Variants in DGLUCY observed in about 807,000 individuals in gnomAD.
DGLUCY encodes D-glutamate cyclase, mitochondrial.
DGLUCY carries 58 observed loss-of-function variants against 58.5 expected under a neutral mutation model. That is an observed-to-expected ratio of 0.99 (90% CI 0.80 to 1.23). The LOEUF (loss-of-function observed/expected upper bound fraction) is 1.23, where lower values mean the gene tolerates loss of function less well. DGLUCY is among the 50% of genes most tolerant of loss of function. DGLUCY has a pLI of 0.00. For missense variants in DGLUCY, 779 were observed against 784.7 expected (o/e 0.99, Z 0.09); for synonymous variants, 325 against 314.1 (o/e 1.03, Z -0.37).
intron 2 of DGLUCY, chr14:91,158,823 A>C (rs2140337697): frequency 6.6e-6 from 1 of 152,206 alleles, no homozygotes; most frequent in African/African-American, 2.4e-5. Flanking sequence ...TGACATACTA[A>C]AACCTATCTT....
intron 1 of DGLUCY, among the ~76,000 whole-genome samples, chr14:91,091,833 C>T (rs980959895): frequency 6.6e-6 from 1 of 152,178 alleles, no homozygotes; most frequent in African/African-American, 2.4e-5. Context: ...CACAGACTCT[C>T]CTGCCTCAGC....
chr14:91,081,157 C>T (rs776527984), intron 1 of DGLUCY, among the ~76,000 whole-genome samples: 2 of 151,780 alleles, frequency 1.3e-5, no homozygotes, highest in South Asian at 2.1e-4. Flanking sequence ...GAGCCAAGAT[C>T]GCGCCACTGC....
chr14:91,108,526 T>TGAGAGAGAGAGA (rs1194090963), intron 1 of DGLUCY, among the ~76,000 whole-genome samples: 48 of 52,170 alleles, frequency 9.2e-4, no homozygotes, highest in South Asian at 1.4e-3. Context: ...TGTGTGTGTG[T>TGAGAGAGAGAGA]GAGAGAGAGA....
intron 1 of DGLUCY, among the ~76,000 whole-genome samples, chr14:91,067,032 G>C (rs2043833788): frequency 7.5e-6 from 1 of 133,796 alleles, no homozygotes; most frequent in Non-Finnish European, 1.5e-5. Flanking sequence ...AGTGAGCCCA[G>C]ATTGCACCAC....
At chr14:91,221,472 G>A (rs1333444961) in intron 13 of DGLUCY, among the ~76,000 whole-genome samples, 1 of 151,666 alleles carries the variant, frequency 6.6e-6, no homozygotes, top group Non-Finnish European at 1.5e-5. Flanking sequence ...GGTGGATGGA[G>A]GGATGCGTGG....
chr14:91,081,500 TTAC>T (rs935284939), intron 1 of DGLUCY, among the ~76,000 whole-genome samples: 15 of 152,216 alleles, frequency 9.9e-5, no homozygotes, highest in Non-Finnish European at 1.9e-4. Flanking sequence ...TGCAAATAAA[TTAC>T]TACAAGTGGC....
At chr14:91,106,730 T>A (rs888601311), upstream of DGLUCY, among the ~76,000 whole-genome samples, 2 of 151,080 alleles carry the variant, frequency 1.3e-5, no homozygotes, top group Non-Finnish European at 2.9e-5. Context: ...AACTCACTTA[T>A]GAATGTATTG....
intron 1 of DGLUCY, among the ~76,000 whole-genome samples, chr14:91,079,516 G>T (rs112597811): frequency 0.014 from 2,172 of 152,074 alleles, 48 homozygotes; most frequent in African/African-American, 0.05. Flanking sequence ...ACCCCACCCG[G>T]CTAGTTTTTG....
chr14:91,082,034 G>A (rs899448961), intron 1 of DGLUCY, among the ~76,000 whole-genome samples: 2 of 152,096 alleles, frequency 1.3e-5, no homozygotes, highest in African/African-American at 4.8e-5. Flanking sequence ...GCCACCTCAA[G>A]GTCCTCAATT....
At chr14:91,209,241 G>A (rs1383477702) in intron 12 of DGLUCY, among the ~76,000 whole-genome samples, 2 of 151,422 alleles carry the variant, frequency 1.3e-5, no homozygotes, top group African/African-American at 4.9e-5. Flanking sequence ...CCAACCTGGG[G>A]AACAGAGTGA....
intron 1 of DGLUCY, among the ~76,000 whole-genome samples, chr14:91,082,082 T>C (rs1023831824): frequency 6.6e-6 from 1 of 152,154 alleles, no homozygotes; most frequent in African/African-American, 2.4e-5. Flanking sequence ...GCTCTGGGGA[T>C]TAGGATGTGG....
intron 1 of DGLUCY, among the ~76,000 whole-genome samples, chr14:91,124,255 C>T (rs2045555336): frequency 6.6e-6 from 1 of 152,184 alleles, no homozygotes; most frequent in South Asian, 2.1e-4. Flanking sequence ...GCAGCAGACC[C>T]AGCTAACTGG....
At chr14:91,081,762 G>A (rs1473928669) in intron 1 of DGLUCY, among the ~76,000 whole-genome samples, 1 of 151,398 alleles carries the variant, frequency 6.6e-6, no homozygotes, top group Non-Finnish European at 1.5e-5. Context: ...ATTTTTCTCA[G>A]ACAGAGTCTC....
rs538546129 is a variant in DGLUCY at position 91,117,282 on chromosome 14, A to C, written c.-82+2999A>C. On this transcript the variant is annotated intron_variant, in intron 1 of 13. Coordinates refer to ENST00000256324, the MANE Select transcript of DGLUCY (RefSeq NM_001102368.3). ...CTTGGTTTTGGCTGGTTTCTTTACC[A>C]CAAAGTGTTTTATCAGCAGGGTCTT... Among the ~76,000 whole-genome samples the C allele has an allele frequency of 2.8e-4, 42 of 152,282 alleles. 1 individual carries two copies. The highest frequency in any genetic ancestry group is 8.9e-4 in the African/African-American group (37 of 41,538).
At chr14:91,220,304 T>C (rs1198501680) in intron 13 of DGLUCY, 1 of 361,152 alleles carries the variant, frequency 2.8e-6, no homozygotes, top group East Asian at 7.4e-5. Context: ...GATTGGAAGA[T>C]GGAATGAGTC....
At chr14:91,173,083 G>A (rs995955038) in intron 5 of DGLUCY, among the ~76,000 whole-genome samples, 1 of 152,076 alleles carries the variant, frequency 6.6e-6, no homozygotes, top group African/African-American at 2.4e-5. Flanking sequence ...GGGGTCCGTG[G>A]CACACAAAAA....
intron 1 of DGLUCY, among the ~76,000 whole-genome samples, chr14:91,146,951 C>G (rs1225926845): frequency 2.6e-5 from 4 of 151,988 alleles, no homozygotes; most frequent in Non-Finnish European, 4.4e-5. Context: ...CCCAGGGACT[C>G]TGCTTCCTGG....
At chr14:91,121,941 T>C (rs1484964646) in intron 1 of DGLUCY, among the ~76,000 whole-genome samples, 1 of 152,178 alleles carries the variant, frequency 6.6e-6, no homozygotes, top group Non-Finnish European at 1.5e-5. Context: ...TCCCATCATC[T>C]AACAGAGTGC....
At chr14:91,205,122 A>G (rs1458004312) in intron 12 of DGLUCY, among the ~76,000 whole-genome samples, 1 of 152,178 alleles carries the variant, frequency 6.6e-6, no homozygotes, top group East Asian at 1.9e-4. Flanking sequence ...ACATCAGATG[A>G]TTCTAAAGAG....
Sources: gnomAD v4.1 joint callset for allele counts (sites outside exome capture counted in the v4.1 genomes callset) on GRCh38, gnomAD v4.1.1 for gene constraint, MANE v1.5 for transcripts, NCBI Gene and HGNC (gene_info 2026-07-23, HGNC 2026-07-21) for gene names.